The following GLI3 variants were observed in gnomAD, a reference collection of about 807,000 sequenced individuals.
GLI3 encodes the protein transcription activator GLI3.
A neutral mutation model predicts 100.8 loss-of-function variants in GLI3; 20 were observed. That is an observed-to-expected ratio of 0.20 (90% CI 0.14 to 0.29). The LOEUF (loss-of-function observed/expected upper bound fraction) is 0.29, where lower values mean the gene tolerates loss of function less well. GLI3 is among the 10% of genes least tolerant of loss of function. The pLI is 1.00. For synonymous variants in GLI3, 938 were observed against 860.5 expected (o/e 1.09, Z -1.58); for missense variants, 2,040 against 2,128.5 (o/e 0.96, Z 0.82).
At chr7:42,083,494 T>G (rs1437557506) in intron 3 of GLI3, among the ~76,000 whole-genome samples, 2 of 152,266 alleles carry the variant, frequency 1.3e-5, no homozygotes, top group African/African-American at 2.4e-5. Context: ...ACTGCCATAC[T>G]TATTTGTTTA....
At chr7:41,993,261 C>T (rs1562674864) in intron 10 of GLI3, among the ~76,000 whole-genome samples, 1 of 152,154 alleles carries the variant, frequency 6.6e-6, no homozygotes, top group Non-Finnish European at 1.5e-5. Flanking sequence ...GGAAAATGCC[C>T]TCCAGAGGCT....
chr7:42,162,393 G>T (rs1013535225), intron 2 of GLI3, among the ~76,000 whole-genome samples: 1 of 152,184 alleles, frequency 6.6e-6, no homozygotes. Flanking sequence ...GAGAACACAT[G>T]TAATTTTTTC....
At position 41,961,242 on chromosome 7, in the gene GLI3, A is replaced by G. The variant is rs1229812849; in HGVS notation, c.*3088T>C. 6.6e-6 allele frequency: 1 copy of G among 152,644 alleles called. No individual in the cohort carries two copies. The highest frequency in any genetic ancestry group is 1.5e-5 in the Non-Finnish European group (1 of 68,044). The allele number at this position is 152,644 out of a possible 1,614,324, so 9.5% of individuals were successfully genotyped here. On this transcript the variant is annotated 3_prime_UTR_variant, in exon 15 of 15. Coordinates refer to ENST00000395925, the MANE Select transcript of GLI3 (RefSeq NM_000168.6). ...AATCTAAAAAAGGTGAAAAAAATGA[A>G]CTTGTATTTTATTTTACATGTCTGC...
At position 41,966,396 on chromosome 7, in the gene GLI3, C is replaced by T; in HGVS notation, c.2677G>A (p.Asp893Asn). Residue 893 changes from aspartate to asparagine, a missense_variant, in exon 15 of 15, where the codon GAC becomes AAC. By Grantham distance (23) the Asp-to-Asn change is conservative. This residue lies in a region of GLI3 where 327 missense variants were observed against 338.7 expected (regional missense o/e 0.97). Transcript: ENST00000395925. The surrounding 1 kb of genome is among the most constrained non-coding windows in gnomAD (Gnocchi z 5.8). ...TCGGTGGAGATGGGGTCGTAGGAGT[C>T]GGCCACGCTCACGTTCTGCGGCCGG... ...EGRPQNVSVA[D>N]SYDPISTDAS... 2.5e-6 allele frequency: 4 copies of T among 1,610,474 alleles called. No individual in the cohort carries two copies. The highest frequency in any genetic ancestry group is 3.4e-6 in the Non-Finnish European group (4 of 1,179,318).
Position 42,078,726 on chromosome 7 carries a change from G to GT in GLI3, c.368-1870dup, listed in dbSNP as rs10709803. On this transcript the variant is annotated intron_variant, in intron 3 of 14. Coordinates refer to ENST00000395925, the MANE Select transcript of GLI3 (RefSeq NM_000168.6). Reference sequence around the variant, plus strand: ...ACTAATGACCTGATCATTTATCACAGTTTTTTTTTTTTTTTTTTTTTGAGA... The same window carrying GT: ...ACTAATGACCTGATCATTTATCACAGTTTTTTTTTTTTTTTTTTTTTTGAGA... 9.6e-3 allele frequency among the ~76,000 whole-genome samples: 910 copies of GT among 94,638 alleles called. 22 individuals carry two copies. Among genetic ancestry groups the GT allele is most frequent in the African/African-American group, 0.024 (680 of 28,042 alleles). 62.1% of individuals were successfully genotyped at this position (94,638 alleles called of 152,430 possible).
chr7:42,015,758 C>T (rs1788742817), intron 10 of GLI3, among the ~76,000 whole-genome samples: 1 of 152,002 alleles, frequency 6.6e-6, no homozygotes, highest in Non-Finnish European at 1.5e-5. Context: ...CACCCACCCC[C>T]CCACACATAG....
intron 13 of GLI3, among the ~76,000 whole-genome samples, chr7:41,968,763 G>GGAAAGAAAGAAAGAAA (rs71006451): frequency 9.0e-4 from 51 of 56,718 alleles, no homozygotes; most frequent in African/African-American, 2.4e-3. Context: ...AAAGAAAGAA[G>GGAAAGAAAGAAAGAAA]GAAAGAAAGA....
intron 10 of GLI3, among the ~76,000 whole-genome samples, chr7:42,017,436 A>C (rs1040000948): frequency 2.0e-5 from 3 of 152,082 alleles, no homozygotes; most frequent in Non-Finnish European, 4.4e-5. Context: ...CCGCCTCTTA[A>C]ACTCCACCTG....
intron 10 of GLI3, among the ~76,000 whole-genome samples, chr7:42,016,816 T>C (rs1431403838): frequency 6.6e-6 from 1 of 152,236 alleles, no homozygotes; most frequent in Non-Finnish European, 1.5e-5. Context: ...CCTAGGAGTC[T>C]TTTCCAGTAT....
intron 2 of GLI3, among the ~76,000 whole-genome samples, chr7:42,175,097 T>C (rs1480401570): frequency 6.6e-6 from 1 of 152,004 alleles, no homozygotes; most frequent in African/African-American, 2.4e-5. Flanking sequence ...AGAGAGACCC[T>C]GAGACTAGCT....
chr7:41,988,373 G>A (rs978658776), intron 10 of GLI3, among the ~76,000 whole-genome samples: 10 of 149,958 alleles, frequency 6.7e-5, no homozygotes, highest in Non-Finnish European at 1.3e-4. Flanking sequence ...TGAGGCAGGA[G>A]AATCACTTGA....
In GLI3 at chr7:41,996,734, T is replaced by C. The variant is rs111260700; in HGVS notation, c.1498-17986A>G. On this transcript the variant is annotated intron_variant, in intron 10 of 14. Coordinates refer to ENST00000395925, the MANE Select transcript of GLI3 (RefSeq NM_000168.6). ...TATATATAATATGATACAAGGAAGG[T>C]AAATGCAGCTTGCTTTTCAGCCTTA... 7.3e-4 allele frequency among the ~76,000 whole-genome samples: 111 copies of C among 152,346 alleles called. 1 individual carries two copies. Among genetic ancestry groups the C allele is most frequent in the African/African-American group, 2.5e-3 (104 of 41,578 alleles).
chr7:42,030,707 T>TG lies in GLI3; in HGVS notation c.1029-4296_1029-4295insC, dbSNP rs1436174188. 4.1e-4 allele frequency among the ~76,000 whole-genome samples: 62 copies of TG among 151,842 alleles called. 1 individual carries two copies. Among genetic ancestry groups the TG allele is most frequent in the African/African-American group, 1.3e-3 (54 of 41,372 alleles). The stretch of plus-strand genomic sequence containing the variant: ...ACTATTGTTGATTTGTTTTTTTTTT[T>TG]TTTGTTTTTTTGTTTCTTGTTTTTT... On this transcript the variant is annotated intron_variant, in intron 7 of 14. Coordinates refer to ENST00000395925, the MANE Select transcript of GLI3 (RefSeq NM_000168.6).
intron 10 of GLI3, among the ~76,000 whole-genome samples, chr7:42,013,486 C>T (rs1037617402): frequency 2.0e-5 from 3 of 151,920 alleles, no homozygotes; most frequent in African/African-American, 7.3e-5. Flanking sequence ...ACCTCAGCCT[C>T]TCAAGTAGCT....
At chr7:41,995,195 T>C (rs765075317) in intron 10 of GLI3, among the ~76,000 whole-genome samples, 4 of 152,222 alleles carry the variant, frequency 2.6e-5, no homozygotes, top group Admixed American at 1.3e-4. Context: ...ATAGTTTGTT[T>C]AGCAAAAAGT....
At chr7:42,215,930 A>T (rs895369998) in intron 2 of GLI3, among the ~76,000 whole-genome samples, 1 of 152,198 alleles carries the variant, frequency 6.6e-6, no homozygotes, top group Non-Finnish European at 1.5e-5. Flanking sequence ...CCATTCAGAG[A>T]ATACTAACAA....
chr7:42,024,073 C>G (rs2128731028), intron 9 of GLI3, among the ~76,000 whole-genome samples: 1 of 152,126 alleles, frequency 6.6e-6, no homozygotes, highest in Non-Finnish European at 1.5e-5. Flanking sequence ...TTTTGTAATC[C>G]AGGGAAATGG....
chr7:42,228,165 C>T (rs1227850460), intron 1 of GLI3, among the ~76,000 whole-genome samples: 2 of 152,120 alleles, frequency 1.3e-5, no homozygotes, highest in African/African-American at 4.8e-5. Context: ...ATCATCATTA[C>T]ATCAGCGCGG....
intron 3 of GLI3, among the ~76,000 whole-genome samples, chr7:42,142,605 C>T (rs900418709): frequency 2.0e-5 from 3 of 152,032 alleles, no homozygotes; most frequent in Admixed American, 1.3e-4. Flanking sequence ...GACTCACGGT[C>T]GCATCAGGCA....
Sources: allele counts gnomAD v4.1 joint callset (sites outside exome capture counted in the v4.1 genomes callset), GRCh38; gene constraint gnomAD v4.1.1; regional missense constraint gnomAD v4.1.1; non-coding constraint Gnocchi (gnomAD v3.1); transcripts MANE v1.5; gene names NCBI Gene and HGNC (gene_info 2026-07-23, HGNC 2026-07-21).